The following AGBL4 variants were observed in gnomAD, a reference collection of about 807,000 sequenced individuals.
The protein encoded by AGBL4 is cytosolic carboxypeptidase 6.
In AGBL4, 58 loss-of-function variants were observed where a neutral mutation model predicts 66.4. The observed-to-expected ratio is 0.87, with a 90% CI of 0.71 to 1.09. The LOEUF (loss-of-function observed/expected upper bound fraction) is 1.09. Ranked by LOEUF, AGBL4 falls within the 50% of genes least tolerant of loss-of-function variation. The pLI, the probability that AGBL4 is intolerant of heterozygous loss-of-function variation, is 0.00. For synonymous variants in AGBL4, 234 were observed against 222.9 expected (o/e 1.05, Z -0.44); for missense variants, 579 against 631.0 (o/e 0.92, Z 0.88).
intron 5 of AGBL4, among the ~76,000 whole-genome samples, chr1:48,973,735 C>T (rs1215462982): frequency 2.0e-5 from 3 of 152,166 alleles, no homozygotes; most frequent in Admixed American, 2.0e-4. Context: ...ACATATCTTA[C>T]TGCATTTATT....
At chr1:48,689,374 CACCTACCTACCTACCT>C (rs527261285) in intron 6 of AGBL4, among the ~76,000 whole-genome samples, 3 of 150,216 alleles carry the variant, frequency 2.0e-5, no homozygotes, top group African/African-American at 5.0e-5. Flanking sequence ...GGATGACGGT[CACCTACCTACCTACCT>C]ACCTACCTAC....
chr1:49,935,041 T>C (rs1177362313), intron 1 of AGBL4, among the ~76,000 whole-genome samples: 1 of 152,196 alleles, frequency 6.6e-6, no homozygotes, highest in Non-Finnish European at 1.5e-5. Context: ...ATTGCCTCAC[T>C]CGGGAAGTGC....
At chr1:49,429,967 C>G (rs1461061503) in intron 3 of AGBL4, among the ~76,000 whole-genome samples, 1 of 151,982 alleles carries the variant, frequency 6.6e-6, no homozygotes, top group African/African-American at 2.4e-5. Flanking sequence ...ACCTCAGTCC[C>G]CAAAGTAGCT....
chr1:49,717,919 T>C (rs1648286147), intron 2 of AGBL4, among the ~76,000 whole-genome samples: 1 of 152,072 alleles, frequency 6.6e-6, no homozygotes, highest in Non-Finnish European at 1.5e-5. Flanking sequence ...CAAATGCGAA[T>C]ATATCAGTCC....
At chr1:48,714,389 C>T (rs72902898) in intron 6 of AGBL4, among the ~76,000 whole-genome samples, 9,276 of 152,260 alleles carry the variant, frequency 0.061, 397 homozygotes, top group African/African-American at 0.12. Flanking sequence ...AGCCACAAAC[C>T]GTGGAGTCAT....
chr1:48,987,998 A>G (rs1660308861), intron 5 of AGBL4, among the ~76,000 whole-genome samples: 5 of 151,972 alleles, frequency 3.3e-5, no homozygotes. Context: ...CCCACCATGC[A>G]CTCAAGAAAG....
chr1:49,826,401 T>C (rs1645511383), intron 2 of AGBL4, among the ~76,000 whole-genome samples: 2 of 152,208 alleles, frequency 1.3e-5, no homozygotes, highest in South Asian at 4.1e-4. Flanking sequence ...AAACCTTCTG[T>C]GATTGATATG....
chr1:48,692,515 A>G (rs376848310), intron 6 of AGBL4, among the ~76,000 whole-genome samples: 2 of 152,164 alleles, frequency 1.3e-5, no homozygotes, highest in Non-Finnish European at 2.9e-5. Flanking sequence ...GCCACCCCCA[A>G]CGGAACCATA....
At chr1:49,098,196 A>G (rs775474165) in intron 4 of AGBL4, among the ~76,000 whole-genome samples, 1 of 152,242 alleles carries the variant, frequency 6.6e-6, no homozygotes, top group Non-Finnish European at 1.5e-5. Context: ...CACAATCTGT[A>G]AGAAATAAAC....
intron 3 of AGBL4, among the ~76,000 whole-genome samples, chr1:49,539,972 T>G (rs1406486129): frequency 6.6e-6 from 1 of 152,128 alleles, no homozygotes; most frequent in African/African-American, 2.4e-5. Context: ...CTAGGAAGTA[T>G]GGTTAAAAAA....
chr1:49,492,935 G>A (rs1380241368), intron 3 of AGBL4, among the ~76,000 whole-genome samples: 2 of 151,954 alleles, frequency 1.3e-5, no homozygotes, highest in African/African-American at 2.4e-5. Context: ...TAGGCCTCAG[G>A]AAACTCACAA....
intron 1 of AGBL4, among the ~76,000 whole-genome samples, chr1:49,988,916 T>C (rs569383200): frequency 1.3e-5 from 2 of 152,280 alleles, no homozygotes; most frequent in East Asian, 3.9e-4. Context: ...GCACCTGAAA[T>C]TCCCATTCGA....
intron 3 of AGBL4, among the ~76,000 whole-genome samples, chr1:49,263,870 AC>A (rs552032837): frequency 1.0e-3 from 154 of 152,296 alleles, no homozygotes; most frequent in African/African-American, 3.6e-3. Flanking sequence ...TAATAGGAAA[AC>A]AAAAAAGTAA....
intron 1 of AGBL4, among the ~76,000 whole-genome samples, chr1:50,008,833 G>A (rs1464534947): frequency 6.6e-6 from 1 of 151,976 alleles, no homozygotes. Context: ...AAATTGATGT[G>A]GCAGATATTC....
intron 3 of AGBL4, among the ~76,000 whole-genome samples, chr1:49,482,820 A>G (rs183140582): frequency 2.4e-4 from 37 of 152,138 alleles, no homozygotes; most frequent in Admixed American, 1.2e-3. Context: ...GGTATGTTGT[A>G]TCTTTGTTCT....
At chr1:50,023,702 G>A in intron 1 of AGBL4, 61 bp downstream of exon 1, 1 of 1,520,810 alleles carries the variant, frequency 6.6e-7, no homozygotes, top group South Asian at 1.3e-5. Context: ...GTCCCCTGTT[G>A]CCTGAGACCC....
chr1:48,776,641 A>G, intron 6 of AGBL4: 4 of 1,481,090 alleles, frequency 2.7e-6, no homozygotes, highest in East Asian at 5.9e-5. Flanking sequence ...GTGGAGCAAC[A>G]GCGCGCCCCA....
intron 5 of AGBL4, among the ~76,000 whole-genome samples, chr1:48,979,402 T>C (rs1002701033): frequency 6.6e-6 from 1 of 152,084 alleles, no homozygotes; most frequent in African/African-American, 2.4e-5. Context: ...ACAGACACAT[T>C]CCCTACCCTC....
rs573181827 is a variant in AGBL4, at chr1:49,130,346, G to T, written c.378-84546C>A. Among the ~76,000 whole-genome samples the T allele has an allele frequency of 3.9e-4, 59 of 152,070 alleles. 1 individual carries two copies. In the South Asian group the frequency reaches 9.6e-3, roughly 25 times the overall value. On this transcript the variant is annotated intron_variant, in intron 4 of 13. Transcript: ENST00000371839. ...GATCCCATTTGTCAATTTTGGCTTC[G>T]GTTGCCATTGCTTTTGGTGTTTTAG...
Sources: allele counts gnomAD v4.1 joint callset (sites outside exome capture counted in the v4.1 genomes callset), GRCh38; gene constraint gnomAD v4.1.1; transcripts MANE v1.5; gene names NCBI Gene and HGNC (gene_info 2026-07-23, HGNC 2026-07-21).